The following DAD1 variants were observed in gnomAD, a reference collection of about 807,000 sequenced individuals.
The protein encoded by DAD1 is defender against cell death 1, also known as dolichyl-diphosphooligosaccharide--protein glycosyltransferase subunit DAD1.
DAD1 carries 4 observed loss-of-function variants against 9.0 expected under a neutral mutation model. The ratio of observed to expected loss-of-function variants is 0.44; its 90% confidence interval spans 0.22 to 1.01. DAD1 has a LOEUF of 1.01. Among genes scored for constraint, DAD1 ranks in the 50% least tolerant of loss-of-function variants. The pLI is 0.24. For missense variants in DAD1, 119 were observed against 137.3 expected, an observed-to-expected ratio of 0.87 and a Z score of 0.67; for synonymous variants, 60 against 62.5, an observed-to-expected ratio of 0.96 and a Z score of 0.19.
intron 1 of DAD1, among the ~76,000 whole-genome samples, chr14:22,586,138 G>A (rs937137025): frequency 5.3e-5 from 8 of 151,018 alleles, no homozygotes; most frequent in Non-Finnish European, 1.0e-4. Context: ...CGCAGGAGGC[G>A]GAGCTTGCAG....
intron 1 of DAD1, among the ~76,000 whole-genome samples, chr14:22,586,688 T>C (rs2037155457): frequency 6.6e-6 from 1 of 152,166 alleles, no homozygotes; most frequent in South Asian, 2.1e-4. Flanking sequence ...ACAGGAAAGT[T>C]AGAAACCCCA....
Position 22,589,093 on chromosome 14 carries a change from T to C in DAD1, c.65A>G (p.Gln22Arg), listed in dbSNP as rs146842433. The change falls in exon 1 of 3, where the codon CAG becomes CGG. Residue 22 changes from glutamine (Q) to arginine (R), a missense_variant. Coordinates refer to ENST00000250498, the MANE Select transcript of DAD1 (RefSeq NM_001344.4). ...FLEEYLSSTP[Q>R]RLKLLDAYLL... ...GTACGCGTCCAGCAACTTCAGACGC[T>C]GCGGAGTGGAGCTCAAGTACTCTTC... 402 of 1,614,090 alleles carry C rather than the reference T, an allele frequency of 2.5e-4. No individual in the cohort carries two copies. The highest frequency in any genetic ancestry group is 4.8e-5 in the Non-Finnish European group (57 of 1,180,038).
chr14:22,575,842 C>T (rs542592907), intron 1 of DAD1, among the ~76,000 whole-genome samples: 6 of 152,182 alleles, frequency 3.9e-5, no homozygotes, highest in Admixed American at 3.9e-4. Flanking sequence ...CCACCGTGCC[C>T]GGACAAAACT....
chr14:22,568,588 C>A (rs971564922), intron 2 of DAD1, among the ~76,000 whole-genome samples: 4 of 152,182 alleles, frequency 2.6e-5, no homozygotes, highest in African/African-American at 4.8e-5. Flanking sequence ...TGATGAACAT[C>A]CAGACCAATC....
At chr14:22,584,697 A>G (rs2037140652) in intron 1 of DAD1, among the ~76,000 whole-genome samples, 1 of 152,242 alleles carries the variant, frequency 6.6e-6, no homozygotes, top group Admixed American at 6.5e-5. Flanking sequence ...CTGTTGGAGC[A>G]GAGTATAGAG....
intron 1 of DAD1, among the ~76,000 whole-genome samples, chr14:22,586,099 A>G (rs1410101326): frequency 6.6e-6 from 1 of 151,566 alleles, no homozygotes; most frequent in African/African-American, 2.4e-5. Context: ...CCAGCTACTC[A>G]GGAGGCTGAG....
At chr14:22,585,965 A>G (rs764529799) in intron 1 of DAD1, among the ~76,000 whole-genome samples, 10 of 151,276 alleles carry the variant, frequency 6.6e-5, no homozygotes, top group Non-Finnish European at 1.3e-4. Flanking sequence ...CCAACACTTT[A>G]GGAGGCCGAG....
chr14:22,587,788 A>G (rs904541898), intron 1 of DAD1, among the ~76,000 whole-genome samples: 5 of 150,760 alleles, frequency 3.3e-5, no homozygotes, highest in Admixed American at 3.3e-4. Flanking sequence ...ACCCAAGCTG[A>G]AGTGCAATGG....
intron 1 of DAD1, among the ~76,000 whole-genome samples, chr14:22,582,741 C>A (rs2037126033): frequency 6.6e-6 from 1 of 152,194 alleles, no homozygotes; most frequent in Admixed American, 6.5e-5. Flanking sequence ...CATGGCGGCT[C>A]ACACCTGTAA....
rs78826924 is a variant in DAD1 at position 22,579,466 on chromosome 14, A to G, written c.212-4233T>C. Among the ~76,000 whole-genome samples, 712 of 152,350 alleles carry G rather than the reference A, an allele frequency of 4.7e-3. 3 individuals carry two copies. The highest frequency in any genetic ancestry group is 0.016 in the African/African-American group (686 of 41,584). The stretch of plus-strand genomic sequence containing the variant: ...TTAAACATGTAAACACCATGGAAGC[A>G]CCATTGATCCTTTCAGGTATCCAGA... On this transcript the variant is annotated intron_variant, in intron 1 of 2. Transcript: ENST00000250498.
Position 22,575,097 on chromosome 14 carries a change from A to G in DAD1, c.*6T>C. ...CCTACTCCTCAATTAAGTAAATGAG[A>G]ATGATTCAGCCAACAAAGTTCATGA... On this transcript the variant is annotated 3_prime_UTR_variant, in exon 2 of 3. Coordinates refer to ENST00000250498, the MANE Select transcript of DAD1 (RefSeq NM_001344.4). The G allele has an allele frequency of 6.2e-7, 1 of 1,613,792 alleles. No homozygotes were observed. Among genetic ancestry groups the G allele is most frequent in the South Asian group, 1.1e-5 (1 of 91,010 alleles).
rs757044016 is a variant in DAD1, at chr14:22,589,147, G to A, written c.11C>T (p.Ser4Leu). 6.8e-6 allele frequency: 11 copies of A among 1,614,130 alleles called. No homozygotes were observed. The highest frequency in any genetic ancestry group is 9.3e-6 in the Non-Finnish European group (11 of 1,180,020). MSA[S>L]VVSVISRFLE... ...GAACCGCGAAATGACAGACACTACC[G>A]ACGCCGACATAACTGCACGCAAGGT... Residue 4 changes from serine to leucine, a missense_variant, in exon 1 of 3, where the codon TCG becomes TTG. Ser to Leu is a moderately radical substitution (Grantham distance 145). Coordinates refer to ENST00000250498, the MANE Select transcript of DAD1 (RefSeq NM_001344.4).
chr14:22,571,313 C>A (rs979437538), intron 2 of DAD1, among the ~76,000 whole-genome samples: 175 of 115,250 alleles, frequency 1.5e-3, no homozygotes, highest in South Asian at 2.5e-3. Flanking sequence ...GACTCTGTCT[C>A]AAAAAAAAAA....
At chr14:22,579,734 C>T (rs2037102545) in intron 1 of DAD1, among the ~76,000 whole-genome samples, 2 of 151,920 alleles carry the variant, frequency 1.3e-5, no homozygotes, top group Non-Finnish European at 2.9e-5. Flanking sequence ...AACTATACAA[C>T]TGACATGCAA....
intron 2 of DAD1, among the ~76,000 whole-genome samples, chr14:22,567,348 T>A (rs1293723340): frequency 2.0e-5 from 3 of 152,224 alleles, no homozygotes; most frequent in Non-Finnish European, 4.4e-5. Flanking sequence ...ATTCATCTCA[T>A]CCTGGATTCT....
At chr14:22,570,431 T>A (rs4981428) in intron 2 of DAD1, among the ~76,000 whole-genome samples, 78,968 of 151,774 alleles carry the variant, frequency 0.52, 22,288 homozygotes, top group African/African-American at 0.76. Context: ...ATCTAAACCC[T>A]CCTGGACCTC....
rs1455430701 is a variant in DAD1, at chr14:22,575,213, T to C, written c.232A>G (p.Asn78Asp). Residue 78 changes from asparagine to aspartate, a missense_variant, in exon 2 of 3, where the codon AAC becomes GAC. Asn to Asp is a conservative substitution (Grantham distance 23). Coordinates refer to ENST00000250498, the MANE Select transcript of DAD1 (RefSeq NM_001344.4). ...TGGAAATCCGCTTTGTTCTGTGGGT[T>C]GATCTGTATTCTCAGGCAAACTGCA... ...ILAVCLRIQINPQNKADFQGI... is the reference protein window; with the variant it reads ...ILAVCLRIQIDPQNKADFQGI... The C allele has an allele frequency of 6.2e-7, 1 of 1,614,020 alleles. No individual in the cohort carries two copies. Among genetic ancestry groups the C allele is most frequent in the Non-Finnish European group, 8.5e-7 (1 of 1,179,988 alleles).
intron 1 of DAD1, among the ~76,000 whole-genome samples, chr14:22,584,136 G>C (rs1444301386): frequency 6.6e-6 from 1 of 152,070 alleles, no homozygotes; most frequent in Non-Finnish European, 1.5e-5. Flanking sequence ...CCACGTCTGT[G>C]TGCTTCACAG....
intron 1 of DAD1, among the ~76,000 whole-genome samples, chr14:22,585,470 A>G (rs1025576878): frequency 2.0e-5 from 3 of 152,236 alleles, no homozygotes; most frequent in Non-Finnish European, 1.5e-5. Context: ...ATATCTAACT[A>G]CAAGATAAAC....
Sources: allele counts gnomAD v4.1 joint callset (sites outside exome capture counted in the v4.1 genomes callset), GRCh38; gene constraint gnomAD v4.1.1; transcripts MANE v1.5; gene names NCBI Gene and HGNC (gene_info 2026-07-23, HGNC 2026-07-21).